Variants in ERG observed in about 807,000 individuals in gnomAD.
ERG encodes the protein ETS transcription factor ERG.
Under a neutral mutation model 55.3 loss-of-function variants are expected in ERG, and 9 were observed. That is an observed-to-expected ratio of 0.16 (90% CI 0.10 to 0.28). The LOEUF (loss-of-function observed/expected upper bound fraction) is 0.28. ERG is among the 10% of genes least tolerant of loss of function. ERG has a pLI of 1.00. For missense variants in ERG, 434 were observed against 631.6 expected (o/e 0.69, Z 3.35); for synonymous variants, 223 against 237.3 (o/e 0.94, Z 0.55).
intron 1 of ERG, among the ~76,000 whole-genome samples, chr21:38,578,977 G>C (rs989146293): frequency 5.3e-5 from 8 of 152,076 alleles, no homozygotes; most frequent in Non-Finnish European, 8.8e-5. Context: ...CCAACACAGA[G>C]ACATAATATT....
intron 2 of ERG, among the ~76,000 whole-genome samples, chr21:38,574,903 C>T (rs1298617356): frequency 6.6e-6 from 1 of 152,172 alleles, no homozygotes; most frequent in African/African-American, 2.4e-5. Context: ...GATAAGGTAG[C>T]TTAAGCCCCA....
At chr21:38,592,882 T>C (rs749637131) in intron 1 of ERG, among the ~76,000 whole-genome samples, 39 of 152,238 alleles carry the variant, frequency 2.6e-4, no homozygotes, top group Non-Finnish European at 4.7e-4. Flanking sequence ...TCATTTCATG[T>C]TGCTTTGGAG....
upstream of ERG, among the ~76,000 whole-genome samples, chr21:38,502,027 G>T (rs898950449): frequency 3.3e-5 from 5 of 152,202 alleles, no homozygotes; most frequent in African/African-American, 1.2e-4. Flanking sequence ...GGGGAGGAAG[G>T]TTAGGAGCTA....
At chr21:38,417,844 T>C (rs1033991002) in intron 3 of ERG, among the ~76,000 whole-genome samples, 1 of 152,084 alleles carries the variant, frequency 6.6e-6, no homozygotes, top group Non-Finnish European at 1.5e-5. Flanking sequence ...GAGAAATCTT[T>C]CAAAATGCTA....
At chr21:38,385,664 C>T (rs1200474044) in intron 9 of ERG, among the ~76,000 whole-genome samples, 1 of 152,224 alleles carries the variant, frequency 6.6e-6, no homozygotes, top group Non-Finnish European at 1.5e-5. Context: ...CAGCTTGTAG[C>T]TCATTGAAGT....
chr21:38,462,360 T>G (rs1346281457), intron 1 of ERG, among the ~76,000 whole-genome samples: 2 of 114,736 alleles, frequency 1.7e-5, no homozygotes, highest in Non-Finnish European at 3.9e-5. Flanking sequence ...ATAGATATAA[T>G]GCATATACAC....
intron 1 of ERG, among the ~76,000 whole-genome samples, chr21:38,604,014 C>T (rs79117839): frequency 0.21 from 31,903 of 151,752 alleles, 3,890 homozygotes; most frequent in Non-Finnish European, 0.28. Flanking sequence ...TTCAGGGGGC[C>T]GAGGCGGGCG....
intron 2 of ERG, among the ~76,000 whole-genome samples, chr21:38,533,941 AT>A (rs1019301546): frequency 2.6e-5 from 4 of 151,936 alleles, no homozygotes; most frequent in African/African-American, 7.3e-5. Context: ...AAATAGAGCC[AT>A]TTTTTTTCTT....
At chr21:38,533,889 A>T (rs528271497) in intron 2 of ERG, among the ~76,000 whole-genome samples, 1 of 152,300 alleles carries the variant, frequency 6.6e-6, no homozygotes, top group African/African-American at 2.4e-5. Flanking sequence ...TTCAGAAAAT[A>T]TATAGTTTCC....
At position 38,568,321 on chromosome 21, in the gene ERG, A is replaced by G. The variant is rs78843925; in HGVS notation, c.-41+7341T>C. On this transcript the variant is annotated intron_variant, in intron 2 of 8. Transcript: ENST00000398897. ...TGACAATACGTAATGTGATGTGATA[A>G]TAAGTCTCACTGAGTGCCAGGCACC... 1.5e-3 allele frequency among the ~76,000 whole-genome samples: 222 copies of G among 152,354 alleles called. 1 individual carries two copies. The highest frequency in any genetic ancestry group is 5.1e-3 in the African/African-American group (212 of 41,588).
chr21:38,523,195 G>A lies in ERG; in HGVS notation c.-41+52467C>T, dbSNP rs1424910198. ...AAAACACACTTAGGTAGCAAAAAGG[G>A]CACACTAAAAATAACGTGGGTTAAT... On this transcript the variant is annotated intron_variant, in intron 2 of 8. Coordinates refer to the ERG transcript ENST00000398897. Among the ~76,000 whole-genome samples, 5 of 152,240 alleles carry A rather than the reference G, an allele frequency of 3.3e-5. No homozygotes were observed. In the East Asian group the frequency reaches 9.6e-4, roughly 29 times the overall value.
At chr21:38,445,013 G>C (rs2058876723) in intron 2 of ERG, among the ~76,000 whole-genome samples, 1 of 152,118 alleles carries the variant, frequency 6.6e-6, no homozygotes, top group African/African-American at 2.4e-5. Context: ...TCTTCAAAGA[G>C]AGTTCTTGGT....
chr21:38,389,945 G>A (rs1421890260), intron 9 of ERG, among the ~76,000 whole-genome samples: 1 of 152,154 alleles, frequency 6.6e-6, no homozygotes, highest in Non-Finnish European at 1.5e-5. Flanking sequence ...TCAATGTGTA[G>A]ATTCTCTTGC....
the ERG span, chr21:38,367,667 G>A: frequency 2.0e-5 from 10 of 510,026 alleles, no homozygotes; most frequent in Non-Finnish European, 3.9e-5. Context: ...AAAGGGTGGG[G>A]AAATTAAGCT....
intron 9 of ERG, among the ~76,000 whole-genome samples, chr21:38,384,197 G>T (rs1241695343): frequency 6.6e-6 from 1 of 152,182 alleles, no homozygotes; most frequent in Non-Finnish European, 1.5e-5. Context: ...ACCACGGGCC[G>T]GCCCCCTTGC....
Position 38,381,219 on chromosome 21 carries a change from C to T in ERG, c.*2184G>A. ...CAAAAGGACTGCAACGTGAAAAAAACAGGCCCTGAAACAGCTATGAAAAGG... is the reference window on the plus strand; with the variant it reads ...CAAAAGGACTGCAACGTGAAAAAAATAGGCCCTGAAACAGCTATGAAAAGG... On this transcript the variant is annotated 3_prime_UTR_variant, in exon 10 of 10. Coordinates refer to ENST00000288319, the MANE Select transcript of ERG (RefSeq NM_182918.4). The T allele has an allele frequency of 9.4e-7, 1 of 1,065,216 alleles. No individual in the cohort carries two copies. The highest frequency in any genetic ancestry group is 4.2e-4 in the Middle Eastern group (1 of 2,402). The allele number at this position is 1,065,216 out of a possible 1,614,324, so 66.0% of individuals were successfully genotyped here.
intron 1 of ERG, among the ~76,000 whole-genome samples, chr21:38,656,021 C>T (rs1305624923): frequency 2.0e-5 from 3 of 152,068 alleles, no homozygotes; most frequent in Non-Finnish European, 4.4e-5. Context: ...CTCTTCACCG[C>T]GCCCCCCGCC....
intron 1 of ERG, among the ~76,000 whole-genome samples, chr21:38,579,158 G>T (rs1402807844): frequency 1.3e-5 from 2 of 152,020 alleles, no homozygotes; most frequent in Non-Finnish European, 2.9e-5. Flanking sequence ...GCCTCCCCTG[G>T]ATTCCAAAAA....
intron 1 of ERG, among the ~76,000 whole-genome samples, chr21:38,459,637 ACCTT>A (rs2059022591): frequency 1.3e-5 from 2 of 152,172 alleles, no homozygotes; most frequent in Non-Finnish European, 2.9e-5. Flanking sequence ...GGCTAGAGAT[ACCTT>A]TATTCAGAGG....
Sources: allele counts gnomAD v4.1 joint callset (sites outside exome capture counted in the v4.1 genomes callset), GRCh38; gene constraint gnomAD v4.1.1; transcripts MANE v1.5; gene names NCBI Gene and HGNC (gene_info 2026-07-23, HGNC 2026-07-21).